Variants in C10orf67 observed in about 807,000 individuals in gnomAD.
C10orf67 encodes chromosome 10 open reading frame 67, also known as uncharacterized protein C10orf67, mitochondrial.
A neutral mutation model predicts 35.6 loss-of-function variants in C10orf67; 60 were observed. That is an observed-to-expected ratio of 1.68 (90% CI 1.37 to 2.09). C10orf67 has a LOEUF of 2.09. Ranked by LOEUF, C10orf67 falls within the 30% of genes most tolerant of loss-of-function variation. C10orf67 has a pLI of 0.00. For missense variants in C10orf67, 474 were observed against 330.2 expected (o/e 1.44, Z -3.38); for synonymous variants, 167 against 115.8 (o/e 1.44, Z -2.84).
intron 13 of C10orf67, among the ~76,000 whole-genome samples, chr10:23,225,715 C>T (rs1209368944): frequency 1.3e-5 from 2 of 152,088 alleles, no homozygotes. Context: ...GCAAGGGTTG[C>T]AATCCTAGTC....
intron 8 of C10orf67, among the ~76,000 whole-genome samples, chr10:23,268,862 A>T (rs1842948843): frequency 6.6e-6 from 1 of 152,250 alleles, no homozygotes; most frequent in Admixed American, 6.5e-5. Flanking sequence ...ATTGTAGGCA[A>T]CTATAACACA....
chr10:23,252,141 C>A (rs546196230), intron 10 of C10orf67, among the ~76,000 whole-genome samples: 2 of 152,224 alleles, frequency 1.3e-5, no homozygotes, highest in South Asian at 4.1e-4. Flanking sequence ...CATATTTTAA[C>A]TTTTTTCATT....
At chr10:23,241,814 A>G (rs1057253059) in intron 12 of C10orf67, among the ~76,000 whole-genome samples, 1 of 152,208 alleles carries the variant, frequency 6.6e-6, no homozygotes, top group African/African-American at 2.4e-5. Context: ...CAGATAAATA[A>G]AAGTAACTAT....
chr10:23,339,381 A>G (rs1451985606), intron 1 of C10orf67, among the ~76,000 whole-genome samples: 1 of 148,602 alleles, frequency 6.7e-6, no homozygotes, highest in Non-Finnish European at 1.5e-5. Context: ...CCAGTAATAA[A>G]GATTAATGGA....
chr10:23,330,739 C>CAA (rs10681378), intron 2 of C10orf67, among the ~76,000 whole-genome samples: 18,309 of 135,540 alleles, frequency 0.14, 2,123 homozygotes, highest in East Asian at 0.63. Flanking sequence ...GACTCTGTCT[C>CAA]AAAAAAAAAA....
At chr10:23,298,775 G>A (rs1460032676) in intron 5 of C10orf67, among the ~76,000 whole-genome samples, 1 of 152,192 alleles carries the variant, frequency 6.6e-6, no homozygotes, top group African/African-American at 2.4e-5. Flanking sequence ...GTAGCCACAG[G>A]TAGCAAGGAA....
chr10:23,284,381 C>T (rs1481055852), intron 7 of C10orf67, among the ~76,000 whole-genome samples: 4 of 151,970 alleles, frequency 2.6e-5, no homozygotes, highest in Non-Finnish European at 5.9e-5. Flanking sequence ...CTCTTGCCTG[C>T]CTGGAAAAAT....
chr10:23,236,689 T>G (rs1263289150), intron 13 of C10orf67, among the ~76,000 whole-genome samples: 1 of 151,852 alleles, frequency 6.6e-6, no homozygotes, highest in African/African-American at 2.4e-5. Flanking sequence ...ATCAGCCTGG[T>G]CAACATGGTG....
At position 23,303,379 on chromosome 10, in the gene C10orf67, C is replaced by T; in HGVS notation, c.627G>A (p.Leu209=). Reference sequence around the variant, plus strand: ...CTTTAATAACTTCTTCTTTCTCTTTCAGTTTTCTTAACAAAATATTTGTTT... The same window carrying T: ...CTTTAATAACTTCTTCTTTCTCTTTTAGTTTTCTTAACAAAATATTTGTTT... ...TVKTNILLRK[L]KEKEEVIKEL... The change falls in exon 5 of 16, where the codon CTG becomes CTA. Residue 209 remains leucine (L), a synonymous_variant. Coordinates refer to ENST00000636213, the MANE Select transcript of C10orf67 (RefSeq NM_001371909.1). 1 of 650,916 alleles carries T rather than the reference C, an allele frequency of 1.5e-6. No individual in the cohort carries two copies. The highest frequency in any genetic ancestry group is 2.8e-6 in the Non-Finnish European group (1 of 358,114). 40.3% of individuals were successfully genotyped at this position (650,916 alleles called of 1,614,324 possible). A position where few individuals can be genotyped will look rare whatever the true frequency, so the allele number is the denominator to read the frequency against.
chr10:23,226,884 A>G (rs1305444116), intron 13 of C10orf67, among the ~76,000 whole-genome samples: 2 of 152,228 alleles, frequency 1.3e-5, no homozygotes, highest in Admixed American at 1.3e-4. Context: ...CCCAAGACTT[A>G]ACCAGGAAGA....
At chr10:23,299,793 C>CG (rs1360325602) in intron 5 of C10orf67, among the ~76,000 whole-genome samples, 1 of 151,938 alleles carries the variant, frequency 6.6e-6, no homozygotes, top group Non-Finnish European at 1.5e-5. Context: ...CTGGCTAACA[C>CG]GGTGAAACCC....
At chr10:23,279,865 T>A (rs559758231) in intron 8 of C10orf67, among the ~76,000 whole-genome samples, 3 of 152,034 alleles carry the variant, frequency 2.0e-5, no homozygotes, top group East Asian at 1.9e-4. Context: ...TCTATTTTTT[T>A]AAATAGACAG....
chr10:23,344,522 G>A (rs1274982771), intron 1 of C10orf67, 47 bp downstream of exon 1: 3 of 1,526,000 alleles, frequency 2.0e-6, no homozygotes, highest in Non-Finnish European at 2.7e-6. Flanking sequence ...CCGTGCCCCT[G>A]GACCCTGCTC....
chr10:23,255,917 T>A (rs1014055708), intron 10 of C10orf67, among the ~76,000 whole-genome samples: 1 of 152,212 alleles, frequency 6.6e-6, no homozygotes, highest in African/African-American at 2.4e-5. Context: ...TCAGTGATCA[T>A]CTTTGGGTGG....
intron 2 of C10orf67, among the ~76,000 whole-genome samples, chr10:23,324,990 TG>T (rs1845125166): frequency 1.3e-5 from 2 of 151,814 alleles, no homozygotes; most frequent in Non-Finnish European, 2.9e-5. Context: ...AGTGTTTGGG[TG>T]GGGTCCCAGG....
At chr10:23,232,450 T>C (rs1412018211) in intron 13 of C10orf67, among the ~76,000 whole-genome samples, 1 of 152,100 alleles carries the variant, frequency 6.6e-6, no homozygotes, top group Non-Finnish European at 1.5e-5. Context: ...AGAGGTGAAA[T>C]GGAGAGAACA....
At chr10:23,204,374 T>C (rs1198084640) in intron 15 of C10orf67, 119 bp from the exon 16 acceptor site, 1 of 410,124 alleles carries the variant, frequency 2.4e-6, no homozygotes, top group Non-Finnish European at 4.4e-6. Flanking sequence ...TTCCCAGCCC[T>C]GGCCCTAGCT....
At chr10:23,223,041 A>G (rs1841628437) in intron 15 of C10orf67, among the ~76,000 whole-genome samples, 1 of 152,068 alleles carries the variant, frequency 6.6e-6, no homozygotes, top group Admixed American at 6.6e-5. Context: ...AAGAAATGAC[A>G]TTCCAACTAA....
At chr10:23,319,064 G>A (rs1844846547) in intron 4 of C10orf67, 1 of 652,164 alleles carries the variant, frequency 1.5e-6, no homozygotes, top group Admixed American at 2.3e-5. Context: ...TGGGTAAATT[G>A]CACGTCACAG....
Sources: allele counts gnomAD v4.1 joint callset (sites outside exome capture counted in the v4.1 genomes callset), GRCh38; gene constraint gnomAD v4.1.1; transcripts MANE v1.5; gene names NCBI Gene and HGNC (gene_info 2026-07-23, HGNC 2026-07-21).